The following BABAM2 variants were observed in gnomAD, a reference collection of about 807,000 sequenced individuals.
The protein encoded by BABAM2 is BRISC and BRCA1 A complex member 2, also known as BRISC and BRCA1-A complex member 2.
In BABAM2, 31 loss-of-function variants were observed where a neutral mutation model predicts 54.7. The observed-to-expected ratio is 0.57, with a 90% confidence interval of 0.43 to 0.77. The LOEUF is 0.77. Among genes scored for constraint, BABAM2 ranks in the 30% least tolerant of loss-of-function variants. The pLI, the probability that BABAM2 is intolerant of heterozygous loss-of-function variation, is 0.00. For synonymous variants in BABAM2, 167 were observed against 162.9 expected (o/e 1.03, Z -0.19); for missense variants, 364 against 455.8 (o/e 0.80, Z 1.83).
At chr2:28,078,743 T>C (rs1664911071) in intron 6 of BABAM2, among the ~76,000 whole-genome samples, 1 of 152,164 alleles carries the variant, frequency 6.6e-6, no homozygotes, top group South Asian at 2.1e-4. Flanking sequence ...TGGAATTGCC[T>C]TTCAGACATC....
intron 11 of BABAM2, among the ~76,000 whole-genome samples, chr2:28,328,221 G>A (rs1690649211): frequency 6.6e-6 from 1 of 152,132 alleles, no homozygotes; most frequent in African/African-American, 2.4e-5. Flanking sequence ...AGGACAATGA[G>A]GACAAGGCAA....
At chr2:28,258,615 C>CTTTTCTTTTTTTT (rs752905871) in intron 10 of BABAM2, among the ~76,000 whole-genome samples, 2 of 100,044 alleles carry the variant, frequency 2.0e-5, no homozygotes, top group African/African-American at 7.4e-5. Flanking sequence ...TTTTTCTTTT[C>CTTTTCTTTTTTTT]TTTTTTTTTT....
intron 6 of BABAM2, among the ~76,000 whole-genome samples, chr2:28,116,328 A>G (rs900854327): frequency 6.6e-5 from 10 of 152,184 alleles, no homozygotes; most frequent in African/African-American, 2.4e-4. Context: ...TTTAGGTTCT[A>G]CAGATAACAA....
chr2:27,970,426 T>C (rs1671125614), intron 3 of BABAM2, among the ~76,000 whole-genome samples: 1 of 152,214 alleles, frequency 6.6e-6, no homozygotes, highest in South Asian at 2.1e-4. Context: ...CATTTTGCCA[T>C]GTTTTAGAAG....
chr2:27,896,984 C>T, intron 2 of BABAM2: 1 of 155,414 alleles, frequency 6.4e-6, no homozygotes, highest in African/African-American at 2.4e-5. Flanking sequence ...CCTCGGTCTG[C>T]ACCCTCTCTG....
intron 6 of BABAM2, among the ~76,000 whole-genome samples, chr2:28,051,314 G>A (rs1677980226): frequency 6.6e-6 from 1 of 152,136 alleles, no homozygotes; most frequent in African/African-American, 2.4e-5. Flanking sequence ...TCTTCTTTCT[G>A]GCTCTGAAAT....
At chr2:27,939,228 G>A (rs1161698171) in intron 3 of BABAM2, among the ~76,000 whole-genome samples, 3 of 152,172 alleles carry the variant, frequency 2.0e-5, no homozygotes, top group Non-Finnish European at 4.4e-5. Context: ...TAGGATTACA[G>A]GCATGAGCCA....
intron 7 of BABAM2, among the ~76,000 whole-genome samples, chr2:28,157,650 A>G (rs767153851): frequency 6.6e-6 from 1 of 152,184 alleles, no homozygotes; most frequent in Non-Finnish European, 1.5e-5. Flanking sequence ...CTCTGTCACC[A>G]GGCTGGAGTG....
chr2:28,321,307 A>G (rs1164512354), intron 11 of BABAM2, among the ~76,000 whole-genome samples: 2 of 152,190 alleles, frequency 1.3e-5, no homozygotes, highest in African/African-American at 4.8e-5. Context: ...ATTTAAATTC[A>G]GTTTTCTCTT....
At chr2:28,019,192 A>G (rs571107912) in intron 4 of BABAM2, among the ~76,000 whole-genome samples, 1 of 152,282 alleles carries the variant, frequency 6.6e-6, no homozygotes, top group East Asian at 1.9e-4. Flanking sequence ...ATCCTGTTTT[A>G]TGGCTGCATA....
intron 6 of BABAM2, among the ~76,000 whole-genome samples, chr2:28,088,515 A>G (rs901944266): frequency 2.0e-5 from 3 of 152,156 alleles, no homozygotes; most frequent in African/African-American, 7.2e-5. Context: ...TTCTGCAATT[A>G]TTCTGTTCTC....
rs1391615466 is a variant in BABAM2, at chr2:28,276,432, C to T, written c.935-21906C>T. ...AGTTAAGTAGTGAGGAAATTACATA[C>T]TGAAGCAAAATATGCCTTTGTAACG... On this transcript the variant is annotated intron_variant, in intron 10 of 11. Transcript: ENST00000379624. 2.6e-5 allele frequency among the ~76,000 whole-genome samples: 4 copies of T among 152,128 alleles called. No homozygotes were observed. In the South Asian group the frequency reaches 6.2e-4, roughly 24 times the overall value.
intron 11 of BABAM2, among the ~76,000 whole-genome samples, chr2:28,312,675 G>A (rs538836026): frequency 1.3e-5 from 2 of 152,142 alleles, no homozygotes; most frequent in South Asian, 4.2e-4. Context: ...AGATAAGTTG[G>A]GTGACTAAGT....
chr2:28,078,674 G>C (rs1322386796), intron 6 of BABAM2, among the ~76,000 whole-genome samples: 8 of 152,140 alleles, frequency 5.3e-5, no homozygotes, highest in Admixed American at 5.2e-4. Flanking sequence ...AGGTTTGGGT[G>C]GGGGTGAGCA....
At chr2:28,070,774 G>A (rs1443800228) in intron 6 of BABAM2, among the ~76,000 whole-genome samples, 1 of 151,922 alleles carries the variant, frequency 6.6e-6, no homozygotes, top group Admixed American at 6.6e-5. Flanking sequence ...CTCTTTATAT[G>A]GACATTTAAA....
At chr2:27,980,231 C>A (rs1439696440) in intron 3 of BABAM2, among the ~76,000 whole-genome samples, 1 of 152,118 alleles carries the variant, frequency 6.6e-6, no homozygotes, top group Non-Finnish European at 1.5e-5. Flanking sequence ...TGTTCTCCTG[C>A]ATACTCTTCC....
intron 7 of BABAM2, among the ~76,000 whole-genome samples, chr2:28,178,540 T>C (rs1675264966): frequency 1.3e-5 from 2 of 151,642 alleles, no homozygotes; most frequent in African/African-American, 2.4e-5. Context: ...AATGCTTACG[T>C]CAAAAAGTAG....
intron 7 of BABAM2, among the ~76,000 whole-genome samples, chr2:28,144,241 A>C (rs997256929): frequency 2.0e-4 from 30 of 152,188 alleles, no homozygotes; most frequent in African/African-American, 7.2e-4. Context: ...CATCATCAAC[A>C]TCAACATCTT....
chr2:28,280,335 A>G (rs1386083039), intron 10 of BABAM2, among the ~76,000 whole-genome samples: 2 of 152,084 alleles, frequency 1.3e-5, no homozygotes, highest in East Asian at 3.9e-4. Context: ...CTGGGATTAC[A>G]GGTGTGAGCC....
Sources: gnomAD v4.1 joint callset for allele counts (sites outside exome capture counted in the v4.1 genomes callset) on GRCh38, gnomAD v4.1.1 for gene constraint, MANE v1.5 for transcripts, NCBI Gene and HGNC (gene_info 2026-07-23, HGNC 2026-07-21) for gene names.